AKT1S1: variants seen among roughly 807,000 people sequenced by gnomAD.
AKT1S1 encodes AKT1 substrate 1.
Under a neutral mutation model 21.2 loss-of-function variants are expected in AKT1S1, and 17 were observed. The ratio of observed to expected loss-of-function variants is 0.80; its 90% CI spans 0.55 to 1.20. AKT1S1 has a LOEUF of 1.20. AKT1S1 is among the 50% of genes most tolerant of loss of function. The pLI, the probability that AKT1S1 is intolerant of heterozygous loss-of-function variation, is 0.00. For synonymous variants in AKT1S1, 181 were observed against 165.6 expected, an observed-to-expected ratio of 1.09 and a Z score of -0.72; for missense variants, 366 against 368.3, an observed-to-expected ratio of 0.99 and a Z score of 0.05.
At position 49,869,660 on chromosome 19, in the gene AKT1S1, C is replaced by T. The variant is rs1285963030; in HGVS notation, c.*257G>A. 7 of 405,164 alleles carry T rather than the reference C, an allele frequency of 1.7e-5. No homozygotes were observed. 25.1% of individuals were successfully genotyped at this position (405,164 alleles called of 1,614,324 possible). A position where few individuals can be genotyped will look rare whatever the true frequency, so the allele number is the denominator to read the frequency against. ...GAGCTTAGAACTCAGCGAGCCAATC[C>T]CTTAATAGAAGGAATCTGTCGCTAG... On this transcript the variant is annotated 3_prime_UTR_variant, in exon 5 of 5. Transcript: ENST00000344175.
intron 1 of AKT1S1, chr19:49,875,843 A>T: frequency 1.0e-6 from 1 of 985,234 alleles, no homozygotes; most frequent in Non-Finnish European, 1.2e-6. Context: ...ACCCAACAGG[A>T]GAGTAGCCAA....
intron 1 of AKT1S1, chr19:49,875,299 GC>G: frequency 6.6e-6 from 1 of 151,076 alleles, no homozygotes; most frequent in Non-Finnish European, 1.5e-5. Context: ...GAAAAGTGAG[GC>G]TCAGAGAGCT....
At chr19:49,876,602 C>T (rs2074947953) in intron 1 of AKT1S1, 4 of 1,525,634 alleles carry the variant, frequency 2.6e-6, no homozygotes, top group Non-Finnish European at 3.5e-6. Flanking sequence ...CCTCCACTCA[C>T]GTGCCCGTAG....
At chr19:49,877,863 C>A, upstream of AKT1S1, 1 of 1,250,310 alleles carries the variant, frequency 8.0e-7, no homozygotes, top group Non-Finnish European at 1.1e-6. Flanking sequence ...AAACACCGAT[C>A]TCTTATAAAC....
chr19:49,876,141 G>A, intron 1 of AKT1S1: 4 of 994,106 alleles, frequency 4.0e-6, no homozygotes, highest in Non-Finnish European at 4.8e-6. Flanking sequence ...GAGCATGAAC[G>A]CGGTAGCCAT....
chr19:49,871,741 T>C lies in AKT1S1; in HGVS notation c.458-25A>G, dbSNP rs544953488. Reference sequence around the variant, plus strand: ...TCTGAAAGAGAGGGTGGACTTCAGCTTCTGTCCCTGCCTTTGTGTCGGCCG... The same window carrying C: ...TCTGAAAGAGAGGGTGGACTTCAGCCTCTGTCCCTGCCTTTGTGTCGGCCG... On this transcript the variant is annotated intron_variant, in intron 3 of 4. Coordinates refer to ENST00000344175, the MANE Select transcript of AKT1S1 (RefSeq NM_001098633.4). 45 of 1,611,620 alleles carry C rather than the reference T, an allele frequency of 2.8e-5. No homozygotes were observed. The South Asian group carries it at 4.9e-4, about 18-fold the overall frequency.
In AKT1S1 at chr19:49,869,627, C is replaced by A; in HGVS notation, c.*290G>T. On this transcript the variant is annotated 3_prime_UTR_variant, in exon 5 of 5. Transcript: ENST00000344175. ...GCTAGGCGGAAAACAAAGGAGTTGA[C>A]CCATTTAGAGCTTAGAACTCAGCGA... 1 of 325,150 alleles carries A rather than the reference C, an allele frequency of 3.1e-6. No individual in the cohort carries two copies. Among genetic ancestry groups the A allele is most frequent in the Non-Finnish European group, 5.6e-6 (1 of 177,818 alleles). 20.1% of individuals were successfully genotyped at this position (325,150 alleles called of 1,614,324 possible).
At chr19:49,876,152 G>A (rs2074940445) in intron 1 of AKT1S1, 6 of 998,438 alleles carry the variant, frequency 6.0e-6, no homozygotes, top group Non-Finnish European at 7.2e-6. Flanking sequence ...CGGTAGCCAT[G>A]GGGTGAGCGC....
chr19:49,876,622 C>A, intron 1 of AKT1S1: 2 of 1,532,820 alleles, frequency 1.3e-6, no homozygotes, highest in Non-Finnish European at 1.8e-6. Flanking sequence ...GCCAGCATGG[C>A]CGGCCCGGCG....
In AKT1S1 at chr19:49,876,651, G is replaced by A. The variant is rs186988431; in HGVS notation, c.-8+586C>T. 5.9e-4 allele frequency: 881 copies of A among 1,504,508 alleles called. 3 individuals carry two copies. The highest frequency in any genetic ancestry group is 9.1e-4 in the South Asian group (73 of 80,168). 93.2% of individuals were successfully genotyped at this position (1,504,508 alleles called of 1,614,324 possible). ...CCCGGCGCCGTCACCGCCCTCAAAA[G>A]ACATGGCGGCGCCTTGCGTCACGTC... is the stretch of plus-strand genomic sequence containing the variant. On this transcript the variant is annotated intron_variant, in intron 1 of 4. Transcript: ENST00000344175.
Position 49,873,231 on chromosome 19 carries a change from G to T in AKT1S1, c.65C>A (p.Ala22Asp). Residue 22 changes from alanine (A) to aspartate (D), a missense_variant, in exon 2 of 5, where the codon GCC (alanine) becomes GAC (aspartate). Ala to Asp is a moderately radical substitution (Grantham distance 126, BLOSUM62 -2). Coordinates refer to ENST00000344175, the MANE Select transcript of AKT1S1 (RefSeq NM_001098633.4). The surrounding 1 kb of genome is among the most constrained non-coding windows in gnomAD (Gnocchi z 6.9). ...CAGCACCAGCTCCGTGCCAGTCCGG[G>T]CCCGGAAGCGCTCAGCGGCCCCCAC... Reference protein sequence around the residue: ...AVVGAAERFRARTGTELVLLT... With the variant: ...AVVGAAERFRDRTGTELVLLT... 6.5e-7 allele frequency: 1 copy of T among 1,536,938 alleles called. No homozygotes were observed. Among genetic ancestry groups the T allele is most frequent in the Admixed American group, 1.9e-5 (1 of 52,214 alleles).
upstream of AKT1S1, chr19:49,878,291 C>T (rs1346856206): frequency 1.3e-5 from 19 of 1,513,968 alleles, no homozygotes; most frequent in Non-Finnish European, 1.6e-5. Context: ...GGGATGCAGG[C>T]GGTCTGGGAT....
At chr19:49,876,810 G>A in intron 1 of AKT1S1, 1 of 822,442 alleles carries the variant, frequency 1.2e-6, no homozygotes, top group Non-Finnish European at 1.7e-6. Context: ...TAAGAAAAAT[G>A]GCCCCGCCTA....
At position 49,870,063 on chromosome 19, in the gene AKT1S1, G is replaced by A. The variant is rs755043811; in HGVS notation, c.628-3C>T. ...CGGTCCAGGTCGGGCGAAGAGGGCT[G>A]CGGGGACGGCGACGGGGCGAGGTCA... On this transcript the variant is annotated splice_region_variant and splice_polypyrimidine_tract_variant and intron_variant, in intron 4 of 4. Coordinates refer to ENST00000344175, the MANE Select transcript of AKT1S1 (RefSeq NM_001098633.4). The A allele has an allele frequency of 7.9e-6, 12 of 1,524,470 alleles. No homozygotes were observed. In the Admixed American group the frequency reaches 2.4e-4, roughly 30 times the overall value. 94.4% of individuals were successfully genotyped at this position (1,524,470 alleles called of 1,614,324 possible). A position where few individuals can be genotyped will look rare whatever the true frequency, so the allele number is the denominator to read the frequency against.
At chr19:49,877,416 G>C (rs1408353809), upstream of AKT1S1, 1 of 439,162 alleles carries the variant, frequency 2.3e-6, no homozygotes. Flanking sequence ...TTCAAGGCGT[G>C]CTTGCCCCAG....
At chr19:49,870,085 G>C in intron 4 of AKT1S1, 25 bp from the exon 5 acceptor site, 1 of 1,495,386 alleles carries the variant, frequency 6.7e-7, no homozygotes, top group Non-Finnish European at 8.9e-7. Flanking sequence ...ACGGGGCGAG[G>C]TCAGCGCCGG....
intron 2 of AKT1S1, 38 bp downstream of exon 2, chr19:49,872,879 G>A (rs1444791625): frequency 1.9e-6 from 3 of 1,572,690 alleles, no homozygotes; most frequent in South Asian, 2.3e-5. Flanking sequence ...GGCACCTCAA[G>A]CGCTGGGCCG....
At chr19:49,876,223 CA>C in intron 1 of AKT1S1, 1 of 1,054,328 alleles carries the variant, frequency 9.5e-7, no homozygotes, top group Non-Finnish European at 1.1e-6. Context: ...AGGGAGGACC[CA>C]CTGGTCTAGG....
intron 2 of AKT1S1, 78 bp downstream of exon 2, chr19:49,872,839 C>G: frequency 6.8e-7 from 1 of 1,480,674 alleles, no homozygotes; most frequent in Non-Finnish European, 9.0e-7. Context: ...CTGGGCTAAG[C>G]AGGCCCCCAC....
Sources: allele counts gnomAD v4.1 joint callset, GRCh38; gene constraint gnomAD v4.1.1; non-coding constraint Gnocchi (gnomAD v3.1); transcripts MANE v1.5; gene names NCBI Gene and HGNC (gene_info 2026-07-23, HGNC 2026-07-21).